Variants in COMMD1 observed in about 807,000 individuals in gnomAD.
COMMD1 encodes COMM domain-containing protein 1.
COMMD1 carries 10 observed loss-of-function variants against 17.2 expected under a neutral mutation model. The observed-to-expected ratio is 0.58, with a 90% CI of 0.36 to 0.99. COMMD1 has a LOEUF of 0.99. Ranked by LOEUF, COMMD1 falls within the 50% of genes least tolerant of loss-of-function variation. COMMD1 has a pLI of 0.01. For synonymous variants in COMMD1, 97 were observed against 91.6 expected, an observed-to-expected ratio of 1.06 and a Z score of -0.34; for missense variants, 270 against 231.8, an observed-to-expected ratio of 1.17 and a Z score of -1.07.
intron 2 of COMMD1, among the ~76,000 whole-genome samples, chr2:62,014,186 C>A (rs1669367656): frequency 6.6e-6 from 1 of 152,184 alleles, no homozygotes; most frequent in South Asian, 2.1e-4. Context: ...CAGCACGCAG[C>A]CCCTGGTGTT....
chr2:62,125,991 G>C (rs542999820), intron 2 of COMMD1, among the ~76,000 whole-genome samples: 17 of 152,168 alleles, frequency 1.1e-4, no homozygotes, highest in African/African-American at 3.4e-4. Context: ...TCATTGTTCA[G>C]CTCCCACTTA....
intron 2 of COMMD1, among the ~76,000 whole-genome samples, chr2:62,055,826 A>C (rs992778561): frequency 6.6e-6 from 1 of 152,204 alleles, no homozygotes; most frequent in African/African-American, 2.4e-5. Context: ...GAATTGATTG[A>C]ATAGAGGATA....
At chr2:62,095,803 C>CATGCATATATATATATATATATAT (rs1187240485) in intron 2 of COMMD1, among the ~76,000 whole-genome samples, 4 of 45,036 alleles carry the variant, frequency 8.9e-5, no homozygotes, top group Admixed American at 7.6e-4. Flanking sequence ...AGTTTCACAG[C>CATGCATATATATATATATATATAT]ATGCATATAT....
intron 1 of COMMD1, among the ~76,000 whole-genome samples, chr2:61,996,739 GATC>G (rs1399784115): frequency 6.6e-6 from 1 of 152,150 alleles, no homozygotes; most frequent in African/African-American, 2.4e-5. Flanking sequence ...ATTCAAGTTT[GATC>G]ATAAGATTGC....
intron 2 of COMMD1, among the ~76,000 whole-genome samples, chr2:62,087,003 T>C (rs1671689945): frequency 6.6e-6 from 1 of 152,078 alleles, no homozygotes; most frequent in Admixed American, 6.5e-5. Flanking sequence ...TTTGTATTTT[T>C]AGTAGAGACA....
upstream of COMMD1, among the ~76,000 whole-genome samples, chr2:61,903,613 C>T (rs1284424365): frequency 2.6e-5 from 4 of 151,140 alleles, no homozygotes; most frequent in African/African-American, 9.7e-5. Context: ...AGTGCAGTGG[C>T]ACCATCTCTG....
chr2:61,992,010 A>G (rs1301923196), intron 1 of COMMD1, among the ~76,000 whole-genome samples: 1 of 152,250 alleles, frequency 6.6e-6, no homozygotes, highest in East Asian at 1.9e-4. Context: ...AATGTAGTAC[A>G]AAGGAAAAGT....
intron 2 of COMMD1, among the ~76,000 whole-genome samples, chr2:62,014,813 C>A (rs974604586): frequency 6.6e-6 from 1 of 152,082 alleles, no homozygotes; most frequent in African/African-American, 2.4e-5. Flanking sequence ...GATCCACCCC[C>A]CTCAGCCTCC....
chr2:61,919,051 G>T (rs1010783393), intron 1 of COMMD1, among the ~76,000 whole-genome samples: 5 of 151,710 alleles, frequency 3.3e-5, no homozygotes, highest in Non-Finnish European at 5.9e-5. Context: ...TGCTCTTGTT[G>T]CCCAGGCTGG....
At chr2:62,048,868 T>C (rs958102745) in intron 2 of COMMD1, among the ~76,000 whole-genome samples, 17 of 152,146 alleles carry the variant, frequency 1.1e-4, no homozygotes, top group African/African-American at 3.1e-4. Context: ...CCTGGACATA[T>C]ACAGGTGACA....
intron 1 of COMMD1, among the ~76,000 whole-genome samples, chr2:61,951,292 T>G (rs1159113882): frequency 6.6e-6 from 1 of 152,070 alleles, no homozygotes; most frequent in African/African-American, 2.4e-5. Flanking sequence ...GGCGAAACTT[T>G]GTCTCTACTA....
intron 1 of COMMD1, among the ~76,000 whole-genome samples, chr2:61,967,092 T>C (rs754500434): frequency 6.6e-6 from 1 of 152,158 alleles, no homozygotes; most frequent in Non-Finnish European, 1.5e-5. Context: ...TTTATTATAG[T>C]GGAAATGGGG....
intron 2 of COMMD1, chr2:62,070,263 G>C (rs777590207): frequency 6.6e-6 from 1 of 152,200 alleles, no homozygotes; most frequent in Non-Finnish European, 1.5e-5. Context: ...AAGTAAATCA[G>C]AAATATAGTT....
chr2:61,939,702 C>T (rs1355594112), intron 1 of COMMD1, among the ~76,000 whole-genome samples: 2 of 152,140 alleles, frequency 1.3e-5, no homozygotes, highest in Non-Finnish European at 2.9e-5. Context: ...CTTACAAAAA[C>T]ATAGTTCACC....
At position 62,001,214 on chromosome 2, in the gene COMMD1, A is replaced by G. The variant is rs1273923951; in HGVS notation, c.462+232A>G. ...TGTCTCAGAAGAACAGAATGGGCCA[A>G]TAATGTGATTGCTCAGAAGCTGACC... On this transcript the variant is annotated intron_variant, in intron 2 of 2. Transcript: ENST00000311832. 4 of 514,968 alleles carry G rather than the reference A, an allele frequency of 7.8e-6. No individual in the cohort carries two copies. The East Asian group carries it at 1.4e-4, about 18-fold the overall frequency. 31.9% of individuals were successfully genotyped at this position (514,968 alleles called of 1,614,324 possible).
chr2:62,063,514 A>C (rs1225939856), intron 2 of COMMD1, among the ~76,000 whole-genome samples: 1 of 152,188 alleles, frequency 6.6e-6, no homozygotes, highest in East Asian at 1.9e-4. Context: ...TGAGTGAATG[A>C]GTGAACAAGA....
chr2:62,036,648 G>C (rs932069680), intron 2 of COMMD1, among the ~76,000 whole-genome samples: 6 of 152,142 alleles, frequency 3.9e-5, no homozygotes, highest in African/African-American at 1.4e-4. Context: ...GTTGTTTCCT[G>C]ACCTTATATG....
At chr2:61,996,062 TTTAA>T (rs1356315787) in intron 1 of COMMD1, among the ~76,000 whole-genome samples, 17 of 152,324 alleles carry the variant, frequency 1.1e-4, no homozygotes, top group African/African-American at 3.6e-4. Context: ...GTATACATAC[TTTAA>T]TTAAGGGATA....
intron 2 of COMMD1, among the ~76,000 whole-genome samples, chr2:62,026,825 A>AT (rs1669770390): frequency 6.6e-6 from 1 of 152,158 alleles, no homozygotes; most frequent in African/African-American, 2.4e-5. Context: ...ACTGTTAAAG[A>AT]TTGTTCTGAA....
Sources: gnomAD v4.1 joint callset for allele counts (sites outside exome capture counted in the v4.1 genomes callset) on GRCh38, gnomAD v4.1.1 for gene constraint, MANE v1.5 for transcripts, NCBI Gene and HGNC (gene_info 2026-07-23, HGNC 2026-07-21) for gene names.